The following IGF1R variants were observed in gnomAD, a reference collection of about 807,000 sequenced individuals.
IGF1R encodes the protein insulin like growth factor 1 receptor.
A neutral mutation model predicts 144.6 loss-of-function variants in IGF1R; 44 were observed. That is an observed-to-expected ratio of 0.30 (90% CI 0.24 to 0.39). IGF1R has a LOEUF of 0.39. Among genes scored for constraint, IGF1R ranks in the 10% least tolerant of loss-of-function variants. The pLI is 1.00. For synonymous variants in IGF1R, 795 were observed against 722.8 expected (o/e 1.10, Z -1.60); for missense variants, 1,355 against 1,833.7 (o/e 0.74, Z 4.77).
At chr15:98,658,402 C>G (rs1005714749) in intron 1 of IGF1R, among the ~76,000 whole-genome samples, 1 of 152,130 alleles carries the variant, frequency 6.6e-6, no homozygotes, top group Non-Finnish European at 1.5e-5. Flanking sequence ...AATGCGGAGA[C>G]TTAAAAATAT....
chr15:98,840,688 T>G (rs1424632842), intron 2 of IGF1R, among the ~76,000 whole-genome samples: 1 of 150,944 alleles, frequency 6.6e-6, no homozygotes, highest in Non-Finnish European at 1.5e-5. Context: ...TTTTTTTTTT[T>G]TTTTTGAGGT....
intron 1 of IGF1R, among the ~76,000 whole-genome samples, chr15:98,697,514 C>T (rs904744570): frequency 6.6e-6 from 1 of 152,010 alleles, no homozygotes; most frequent in Admixed American, 6.6e-5. Flanking sequence ...ACAGCCACAC[C>T]TGGTATGGGT....
Position 98,922,354 on chromosome 15 carries a change from T to C in IGF1R, c.2408T>C (p.Ile803Thr). The C allele has an allele frequency of 6.2e-7, 1 of 1,614,174 alleles. No homozygotes were observed. Among genetic ancestry groups the C allele is most frequent in the Non-Finnish European group, 8.5e-7 (1 of 1,180,034 alleles). The change falls in exon 11 of 21, where the codon ATC (isoleucine) becomes ACC (threonine). Residue 803 changes from isoleucine (I) to threonine (T), a missense_variant. This residue lies in a region of IGF1R where 880 missense variants were observed against 1,202.7 expected (regional missense o/e 0.73). Coordinates refer to ENST00000650285, the MANE Select transcript of IGF1R (RefSeq NM_000875.5). ...CCTTTCACATTGTACCGCATCGATATCCACAGCTGCAACCACGAGGCTGAG... is the reference window on the plus strand; with the variant it reads ...CCTTTCACATTGTACCGCATCGATACCCACAGCTGCAACCACGAGGCTGAG... ...LRPFTLYRID[I>T]HSCNHEAEKL...
At chr15:98,720,913 G>A (rs2054231491) in intron 2 of IGF1R, among the ~76,000 whole-genome samples, 1 of 152,184 alleles carries the variant, frequency 6.6e-6, no homozygotes, top group Admixed American at 6.5e-5. Flanking sequence ...GTTTCCTTGT[G>A]CCATGGCCAG....
intron 8 of IGF1R, among the ~76,000 whole-genome samples, chr15:98,915,101 T>G (rs2015186428): frequency 6.6e-6 from 1 of 152,214 alleles, no homozygotes; most frequent in Non-Finnish European, 1.5e-5. Flanking sequence ...AGGTGTCTCC[T>G]GTGCTTTGAA....
At chr15:98,866,248 C>T (rs1208275582) in intron 2 of IGF1R, among the ~76,000 whole-genome samples, 3 of 152,188 alleles carry the variant, frequency 2.0e-5, no homozygotes, top group Non-Finnish European at 4.4e-5. Flanking sequence ...CCGCCGCCAC[C>T]ACACAGATGC....
At chr15:98,913,906 T>C (rs2015129504) in intron 8 of IGF1R, among the ~76,000 whole-genome samples, 1 of 152,228 alleles carries the variant, frequency 6.6e-6, no homozygotes, top group Non-Finnish European at 1.5e-5. Context: ...AAAATCCACT[T>C]CAGTTTTAAA....
At chr15:98,818,436 A>C (rs979556229) in intron 2 of IGF1R, among the ~76,000 whole-genome samples, 4 of 152,134 alleles carry the variant, frequency 2.6e-5, no homozygotes, top group African/African-American at 9.7e-5. Context: ...GGGGAGAAGG[A>C]GGAATAGTGG....
chr15:98,720,008 G>T (rs936971442), intron 2 of IGF1R, among the ~76,000 whole-genome samples: 1 of 152,176 alleles, frequency 6.6e-6, no homozygotes. Flanking sequence ...AAGGTGAATG[G>T]TTTATTATGA....
intron 18 of IGF1R, among the ~76,000 whole-genome samples, chr15:98,940,664 C>G (rs898158801): frequency 2.0e-5 from 3 of 152,060 alleles, no homozygotes; most frequent in Non-Finnish European, 4.4e-5. Flanking sequence ...CTCGGCCTCC[C>G]AAAGTGCTGA....
intron 2 of IGF1R, among the ~76,000 whole-genome samples, chr15:98,739,077 G>C (rs2054678020): frequency 6.6e-6 from 1 of 152,214 alleles, no homozygotes; most frequent in Admixed American, 6.5e-5. Flanking sequence ...TTATAAGTGA[G>C]TGTGGAAACA....
intron 2 of IGF1R, among the ~76,000 whole-genome samples, chr15:98,863,876 C>G (rs1254416035): frequency 6.6e-6 from 1 of 152,154 alleles, no homozygotes; most frequent in Non-Finnish European, 1.5e-5. Context: ...ACATCAACAC[C>G]ATGAATTTAA....
chr15:98,861,934 A>T (rs2012179258), intron 2 of IGF1R, among the ~76,000 whole-genome samples: 1 of 152,226 alleles, frequency 6.6e-6, no homozygotes, highest in Non-Finnish European at 1.5e-5. Flanking sequence ...AGCTTTTCAC[A>T]TTCACTTTTG....
intron 2 of IGF1R, among the ~76,000 whole-genome samples, chr15:98,773,618 G>C (rs2055645167): frequency 6.6e-6 from 1 of 152,124 alleles, no homozygotes; most frequent in Non-Finnish European, 1.5e-5. Flanking sequence ...CACACATTTT[G>C]AGTGAAATTA....
At chr15:98,662,522 G>T (rs1451888240) in intron 1 of IGF1R, among the ~76,000 whole-genome samples, 1 of 152,092 alleles carries the variant, frequency 6.6e-6, no homozygotes, top group Non-Finnish European at 1.5e-5. Context: ...GATTATTTGA[G>T]GGCCTCCAGT....
intron 13 of IGF1R, among the ~76,000 whole-genome samples, chr15:98,928,912 T>C (rs892937538): frequency 4.6e-5 from 7 of 152,002 alleles, no homozygotes; most frequent in African/African-American, 1.7e-4. Context: ...AGTGTGTGCA[T>C]GTGTGTGTGT....
chr15:98,691,352 C>G (rs1308646200), intron 1 of IGF1R, among the ~76,000 whole-genome samples: 1 of 148,350 alleles, frequency 6.7e-6, no homozygotes, highest in East Asian at 2.0e-4. Context: ...TTGGAGTTGT[C>G]TCATGGTTTT....
At chr15:98,883,775 G>A (rs900570796) in intron 2 of IGF1R, among the ~76,000 whole-genome samples, 1 of 152,156 alleles carries the variant, frequency 6.6e-6, no homozygotes, top group African/African-American at 2.4e-5. Context: ...CCTTTCTGTC[G>A]AAAGTGTTCG....
intron 2 of IGF1R, among the ~76,000 whole-genome samples, chr15:98,848,511 C>G (rs2137678): frequency 0.029 from 4,374 of 152,256 alleles, 203 homozygotes; most frequent in African/African-American, 0.1. Context: ...TTGTTTCTTT[C>G]CCTTGCTTAT....
Sources: allele counts gnomAD v4.1 joint callset (sites outside exome capture counted in the v4.1 genomes callset), GRCh38; gene constraint gnomAD v4.1.1; regional missense constraint gnomAD v4.1.1; transcripts MANE v1.5; gene names NCBI Gene and HGNC (gene_info 2026-07-23, HGNC 2026-07-21).